Variants in ZFYVE16 observed in about 807,000 individuals in gnomAD.
ZFYVE16 encodes the protein zinc finger FYVE domain-containing protein 16.
In ZFYVE16, 89 loss-of-function variants were observed where a neutral mutation model predicts 138.1. The observed-to-expected ratio is 0.64, with a 90% CI of 0.54 to 0.77. The LOEUF is 0.77. ZFYVE16 is among the 30% of genes least tolerant of loss of function. The probability of loss-of-function intolerance (pLI) is 0.00; values close to 1 mark genes in which losing one functional copy is unlikely to be tolerated. For missense variants in ZFYVE16, 1,793 were observed against 1,786.7 expected (o/e 1.00, Z -0.06); for synonymous variants, 596 against 618.3 (o/e 0.96, Z 0.53).
chr5:80,455,276 G>C (rs965634325), intron 11 of ZFYVE16: 1 of 204,998 alleles, frequency 4.9e-6, no homozygotes, highest in African/African-American at 2.4e-5. Flanking sequence ...GCTCATGCCT[G>C]TAATCCCAGC....
At chr5:80,416,695 A>G (rs937252411) in intron 1 of ZFYVE16, among the ~76,000 whole-genome samples, 4 of 151,712 alleles carry the variant, frequency 2.6e-5, no homozygotes, top group Non-Finnish European at 5.9e-5. Context: ...TGTGTACATC[A>G]ACTTTTACTT....
chr5:80,437,612 T>G lies in ZFYVE16; in HGVS notation c.927T>G (p.Asn309Lys), dbSNP rs770449510. 3.1e-6 allele frequency: 5 copies of G among 1,612,618 alleles called. No homozygotes were observed. The South Asian group carries it at 5.5e-5, about 18-fold the overall frequency. Residue 309 changes from asparagine (N) to lysine (K), a missense_variant, in exon 4 of 19, where the codon AAT (asparagine) becomes AAG (lysine). Coordinates refer to ENST00000505560, the MANE Select transcript of ZFYVE16 (RefSeq NM_001284236.3). ...TSALTCSLPK[N>K]EDLCLNDSNS... The stretch of plus-strand genomic sequence containing the variant: ...CTTTGACCTGCAGCCTTCCGAAAAA[T>G]GAAGATTTATGCTTAAATGATTCAA...
chr5:80,455,282 C>T, intron 11 of ZFYVE16: 1 of 204,638 alleles, frequency 4.9e-6, no homozygotes, highest in Non-Finnish European at 9.9e-6. Context: ...GCCTGTAATC[C>T]CAGCACTTTG....
intron 1 of ZFYVE16, among the ~76,000 whole-genome samples, chr5:80,426,224 G>C (rs868766682): frequency 1.4e-5 from 2 of 141,994 alleles, no homozygotes; most frequent in South Asian, 2.2e-4. Flanking sequence ...GTGTGTGTGT[G>C]TGTGTATGTG....
At chr5:80,462,488 C>T (rs996997885) in intron 15 of ZFYVE16, among the ~76,000 whole-genome samples, 2 of 152,052 alleles carry the variant, frequency 1.3e-5, no homozygotes, top group Non-Finnish European at 2.9e-5. Flanking sequence ...TTTACCTCCA[C>T]CTGGTCTCTC....
At chr5:80,470,812 G>T (rs1467818623) in intron 15 of ZFYVE16, among the ~76,000 whole-genome samples, 1 of 152,126 alleles carries the variant, frequency 6.6e-6, no homozygotes, top group African/African-American at 2.4e-5. Flanking sequence ...CACCTGGCCT[G>T]TCTAGTAATT....
In ZFYVE16 at chr5:80,478,827, T is replaced by TC. The variant is rs1755132993; in HGVS notation, c.*1450_*1451insC. 6.6e-6 allele frequency: 1 copy of TC among 152,124 alleles called. No individual in the cohort carries two copies. Among genetic ancestry groups the TC allele is most frequent in the Admixed American group, 6.6e-5 (1 of 15,266 alleles). 9.4% of individuals were successfully genotyped at this position (152,124 alleles called of 1,614,324 possible). A position where few individuals can be genotyped will look rare whatever the true frequency, so the allele number is the denominator to read the frequency against. On this transcript the variant is annotated 3_prime_UTR_variant, in exon 19 of 19. Coordinates refer to ENST00000505560, the MANE Select transcript of ZFYVE16 (RefSeq NM_001284236.3). The stretch of plus-strand genomic sequence containing the variant: ...TAGCCAAAGACAATTTGGAGGAGAA[T>TC]ATCAGCCTTCTGGAAGTAGCTACTT...
intron 11 of ZFYVE16, chr5:80,454,775 G>T (rs905874552): frequency 2.6e-5 from 4 of 152,258 alleles, no homozygotes; most frequent in Admixed American, 6.5e-5. Context: ...CTCCCAAAGT[G>T]CTGGGATGAC....
intron 3 of ZFYVE16, among the ~76,000 whole-genome samples, chr5:80,435,255 G>A (rs1032506765): frequency 5.3e-5 from 8 of 151,946 alleles, no homozygotes; most frequent in African/African-American, 1.2e-4. Flanking sequence ...GGCTGGTCTC[G>A]AACTCCTGGC....
At chr5:80,429,650 G>T (rs1748684145) in intron 2 of ZFYVE16, among the ~76,000 whole-genome samples, 1 of 152,200 alleles carries the variant, frequency 6.6e-6, no homozygotes, top group Non-Finnish European at 1.5e-5. Flanking sequence ...AAAAGACACA[G>T]ACTGGCAAAT....
chr5:80,469,857 C>G (rs1669145), intron 15 of ZFYVE16, among the ~76,000 whole-genome samples: 131,583 of 150,462 alleles, frequency 0.87, 58,262 homozygotes, highest in Non-Finnish European at 0.94. Context: ...CTCCTTTGGG[C>G]TTTCAGTTTT....
At chr5:80,435,327 C>G (rs1331218549) in intron 3 of ZFYVE16, among the ~76,000 whole-genome samples, 1 of 152,118 alleles carries the variant, frequency 6.6e-6, no homozygotes, top group Admixed American at 6.5e-5. Flanking sequence ...GCCACCAGGC[C>G]CGGCCTAATT....
At chr5:80,414,256 G>A (rs1014242210) in intron 1 of ZFYVE16, among the ~76,000 whole-genome samples, 2 of 152,172 alleles carry the variant, frequency 1.3e-5, no homozygotes, top group Non-Finnish European at 2.9e-5. Flanking sequence ...AAACACATCT[G>A]ATAATCTGTT....
intron 1 of ZFYVE16, among the ~76,000 whole-genome samples, chr5:80,419,159 C>G (rs1746708477): frequency 1.3e-5 from 2 of 151,598 alleles, no homozygotes; most frequent in African/African-American, 4.9e-5. Flanking sequence ...CTCTCTGCAG[C>G]CTCAGCCTCC....
At chr5:80,420,195 C>T (rs1179557735) in intron 1 of ZFYVE16, among the ~76,000 whole-genome samples, 1 of 151,988 alleles carries the variant, frequency 6.6e-6, no homozygotes, top group Non-Finnish European at 1.5e-5. Flanking sequence ...GAACTTCTGC[C>T]TCCCAGGTTC....
intron 1 of ZFYVE16, among the ~76,000 whole-genome samples, chr5:80,415,950 G>A (rs1381393227): frequency 1.3e-5 from 2 of 152,164 alleles, no homozygotes; most frequent in Admixed American, 6.5e-5. Context: ...ACAGGCGAGA[G>A]CCACCACGCC....
At position 80,445,385 on chromosome 5, in the gene ZFYVE16, C is replaced by T. The variant is rs576405273; in HGVS notation, c.2704C>T (p.Leu902Phe). Reference protein sequence around the residue: ...SKRCSEDFSPLSPDVPMTVNT... With the variant: ...SKRCSEDFSPFSPDVPMTVNT... ...AAGATGTTCTGAAGACTTTAGTCCT[C>T]TCTCACCTGATGTGCCTATGGTAAG... is the stretch of plus-strand genomic sequence containing the variant. Residue 902 changes from leucine to phenylalanine, a missense_variant, in exon 7 of 19, where the codon CTC becomes TTC. This residue lies in a region of ZFYVE16 where 1,295 missense variants were observed against 1,204.3 expected (regional missense o/e 1.08). Transcript: ENST00000505560. The T allele has an allele frequency of 6.2e-7, 1 of 1,613,362 alleles. No homozygotes were observed. The highest frequency in any genetic ancestry group is 1.1e-5 in the South Asian group (1 of 90,948).
chr5:80,439,907 A>G, intron 4 of ZFYVE16, 29 bp from the exon 5 acceptor site: 1 of 1,583,432 alleles, frequency 6.3e-7, no homozygotes, highest in South Asian at 1.1e-5. Context: ...CTTGAAACAA[A>G]GACAAATTTG....
chr5:80,448,165 G>T lies in ZFYVE16; in HGVS notation c.2864G>T (p.Gly955Val). The change falls in exon 8 of 19, where the codon GGA becomes GTA. Residue 955 changes from glycine to valine, a missense_variant. Physicochemically the swap from Gly to Val is moderately radical, Grantham distance 109. This residue lies in a region of ZFYVE16 where 1,295 missense variants were observed against 1,204.3 expected (regional missense o/e 1.08). Coordinates refer to ENST00000505560, the MANE Select transcript of ZFYVE16 (RefSeq NM_001284236.3). Reference protein sequence around the residue: ...PSVEKLSMNTGNEGLPTSGSF... With the variant: ...PSVEKLSMNTVNEGLPTSGSF... Reference sequence around the variant, plus strand: ...GTGGAAAAATTGTCTATGAACACAGGAAATGAGGGGTTACCTACTTCTGGT... The same window carrying T: ...GTGGAAAAATTGTCTATGAACACAGTAAATGAGGGGTTACCTACTTCTGGT... The T allele has an allele frequency of 1.2e-6, 2 of 1,613,928 alleles. No individual in the cohort carries two copies. Among genetic ancestry groups the T allele is most frequent in the Non-Finnish European group, 1.7e-6 (2 of 1,179,936 alleles).
Sources: gnomAD v4.1 joint callset for allele counts (sites outside exome capture counted in the v4.1 genomes callset) on GRCh38, gnomAD v4.1.1 for gene constraint, gnomAD v4.1.1 regional missense constraint, MANE v1.5 for transcripts, NCBI Gene and HGNC (gene_info 2026-07-23, HGNC 2026-07-21) for gene names.